SGCZ: variants seen among roughly 807,000 people sequenced by gnomAD.
The protein encoded by SGCZ is zeta-sarcoglycan.
In SGCZ, 40 loss-of-function variants were observed where a neutral mutation model predicts 41.3. That is an observed-to-expected ratio of 0.97 (90% CI 0.75 to 1.26). The LOEUF is 1.26. Ranked by LOEUF, SGCZ falls within the 50% of genes most tolerant of loss-of-function variation. The pLI is 0.00. For missense variants in SGCZ, 552 were observed against 369.8 expected, an observed-to-expected ratio of 1.49 and a Z score of -4.04; for synonymous variants, 206 against 137.5, an observed-to-expected ratio of 1.50 and a Z score of -3.49.
intron 2 of SGCZ, among the ~76,000 whole-genome samples, chr8:14,446,951 C>T (rs1175277817): frequency 6.6e-6 from 1 of 152,032 alleles, no homozygotes; most frequent in Non-Finnish European, 1.5e-5. Flanking sequence ...ATATATTTTA[C>T]CAAAAGATTA....
At chr8:14,836,447 T>C (rs1001105941) in intron 1 of SGCZ, among the ~76,000 whole-genome samples, 3 of 152,164 alleles carry the variant, frequency 2.0e-5, no homozygotes, top group Non-Finnish European at 4.4e-5. Flanking sequence ...AATAACCTGG[T>C]ATCCCGCTTT....
chr8:15,221,909 C>G (rs960857783), intron 1 of SGCZ, among the ~76,000 whole-genome samples: 3 of 152,180 alleles, frequency 2.0e-5, no homozygotes, highest in Admixed American at 6.5e-5. Context: ...CTGCAGGAAT[C>G]TGAATGGCCC....
At chr8:14,377,546 T>A (rs530495833) in intron 2 of SGCZ, among the ~76,000 whole-genome samples, 2 of 152,268 alleles carry the variant, frequency 1.3e-5, no homozygotes, top group East Asian at 3.9e-4. Context: ...TTTGTTATTA[T>A]ACTTTAAGTT....
chr8:15,194,221 AC>A (rs1263054130), intron 1 of SGCZ, among the ~76,000 whole-genome samples: 1 of 150,966 alleles, frequency 6.6e-6, no homozygotes, highest in Admixed American at 6.6e-5. Flanking sequence ...ACACACACAC[AC>A]ACACACCACA....
At chr8:14,638,801 C>T (rs1585145226) in intron 1 of SGCZ, among the ~76,000 whole-genome samples, 1 of 151,742 alleles carries the variant, frequency 6.6e-6, no homozygotes, top group East Asian at 1.9e-4. Flanking sequence ...CTCAGGTGCA[C>T]TACATTTTAT....
intron 1 of SGCZ, among the ~76,000 whole-genome samples, chr8:15,001,609 A>G (rs1382842157): frequency 6.6e-6 from 1 of 151,688 alleles, no homozygotes; most frequent in Non-Finnish European, 1.5e-5. Context: ...GGCACCTGTA[A>G]TTCCAGCTAC....
chr8:14,140,012 G>A (rs1803317635), intron 5 of SGCZ, among the ~76,000 whole-genome samples: 1 of 152,054 alleles, frequency 6.6e-6, no homozygotes, highest in Non-Finnish European at 1.5e-5. Context: ...TTATCCCTGG[G>A]ATGCAAGGCT....
At chr8:14,404,010 G>C (rs570780145) in intron 2 of SGCZ, among the ~76,000 whole-genome samples, 114 of 152,226 alleles carry the variant, frequency 7.5e-4, no homozygotes, top group African/African-American at 2.7e-3. Flanking sequence ...GAGAAACAAG[G>C]AAAGAGAGAA....
chr8:14,666,684 C>CAA (rs34262206), intron 1 of SGCZ, among the ~76,000 whole-genome samples: 8 of 107,460 alleles, frequency 7.4e-5, no homozygotes, highest in Non-Finnish European at 1.4e-4. Flanking sequence ...GTAGAATTTG[C>CAA]AAAAAAAAAA....
At chr8:14,582,363 C>T (rs10100338) in intron 1 of SGCZ, among the ~76,000 whole-genome samples, 36,746 of 151,872 alleles carry the variant, frequency 0.24, 4,533 homozygotes, top group African/African-American at 0.27. Context: ...GGGTCTACTG[C>T]ACATTATTAC....
intron 2 of SGCZ, among the ~76,000 whole-genome samples, chr8:14,499,483 C>T (rs2117048341): frequency 6.6e-6 from 1 of 151,954 alleles, no homozygotes; most frequent in South Asian, 2.1e-4. Flanking sequence ...TGAAACTTAA[C>T]TGTTGCAATA....
At chr8:14,240,902 T>C (rs542981336) in intron 3 of SGCZ, among the ~76,000 whole-genome samples, 2 of 152,200 alleles carry the variant, frequency 1.3e-5, no homozygotes. Context: ...ATACGTATAA[T>C]GATGAAAAAA....
chr8:14,563,664 G>A (rs1755513800), intron 1 of SGCZ, among the ~76,000 whole-genome samples: 1 of 152,200 alleles, frequency 6.6e-6, no homozygotes, highest in Non-Finnish European at 1.5e-5. Flanking sequence ...TAAGTTTAGA[G>A]GTGAGATCTG....
chr8:14,207,307 T>C (rs2117085628), intron 4 of SGCZ, among the ~76,000 whole-genome samples: 1 of 152,326 alleles, frequency 6.6e-6, no homozygotes, highest in Non-Finnish European at 1.5e-5. Flanking sequence ...ACTGATAAGA[T>C]AAATTAGAAG....
rs903462742 is a variant in SGCZ at position 14,448,088 on chromosome 8, G to A, written c.234+106644C>T. Among the ~76,000 whole-genome samples the A allele has an allele frequency of 7.2e-5, 11 of 152,164 alleles. 1 individual carries two copies. Among genetic ancestry groups the A allele is most frequent in the South Asian group, 2.1e-4 (1 of 4,810 alleles). ...CTAAATGAAAATTGGAATTTTCATC[G>A]AAATAGTAGCAGTAACAATTAGGAG... On this transcript the variant is annotated intron_variant, in intron 2 of 7. Transcript: ENST00000382080.
Position 15,174,113 on chromosome 8 carries a change from G to A in SGCZ, c.39+63472C>T, listed in dbSNP as rs1280174356. Among the ~76,000 whole-genome samples, 6 of 152,100 alleles carry A rather than the reference G, an allele frequency of 3.9e-5. No individual in the cohort carries two copies. In the South Asian group the frequency reaches 1.2e-3, roughly 32 times the overall value. On this transcript the variant is annotated intron_variant, in intron 1 of 7. Coordinates refer to ENST00000382080, the MANE Select transcript of SGCZ (RefSeq NM_139167.4). ...TTATACCAACAGATCTATTTTAATG[G>A]ATGTTAATAGTTCAAAACATCATGG...
At chr8:14,793,374 C>A (rs565509851) in intron 1 of SGCZ, among the ~76,000 whole-genome samples, 1 of 152,280 alleles carries the variant, frequency 6.6e-6, no homozygotes, top group East Asian at 1.9e-4. Context: ...TGAGCTACTG[C>A]ACTAAGATGG....
chr8:14,668,913 T>A (rs12549522), intron 1 of SGCZ, among the ~76,000 whole-genome samples: 29,348 of 137,872 alleles, frequency 0.21, 3,459 homozygotes, highest in East Asian at 0.46. Flanking sequence ...CACTCAGTTA[T>A]TTTCTTGTGT....
At chr8:14,267,668 C>A (rs1799920372) in intron 3 of SGCZ, among the ~76,000 whole-genome samples, 1 of 152,024 alleles carries the variant, frequency 6.6e-6, no homozygotes, top group Non-Finnish European at 1.5e-5. Context: ...TGATGAGCAG[C>A]AGTGGGATTG....
Sources: gnomAD v4.1 joint callset for allele counts (sites outside exome capture counted in the v4.1 genomes callset) on GRCh38, gnomAD v4.1.1 for gene constraint, MANE v1.5 for transcripts, NCBI Gene and HGNC (gene_info 2026-07-23, HGNC 2026-07-21) for gene names.